The following TLL2 variants were observed in gnomAD, a reference collection of about 807,000 sequenced individuals.
The protein encoded by TLL2 is tolloid like 2.
A neutral mutation model predicts 123.0 loss-of-function variants in TLL2; 106 were observed. The ratio of observed to expected loss-of-function variants is 0.86; its 90% CI spans 0.74 to 1.01. The LOEUF is 1.01. Ranked by LOEUF, TLL2 falls within the 50% of genes least tolerant of loss-of-function variation. TLL2 has a pLI of 0.00. For missense variants in TLL2, 1,332 were observed against 1,336.7 expected (o/e 1.00, Z 0.06); for synonymous variants, 494 against 516.8 (o/e 0.96, Z 0.60).
chr10:96,425,025 G>C (rs963061882), intron 5 of TLL2, among the ~76,000 whole-genome samples: 1 of 148,702 alleles, frequency 6.7e-6, no homozygotes, highest in Non-Finnish European at 1.5e-5. Context: ...TTTTCACAGA[G>C]AGTTATCTAA....
At chr10:96,447,788 A>G (rs1385708538) in intron 2 of TLL2, among the ~76,000 whole-genome samples, 1 of 152,202 alleles carries the variant, frequency 6.6e-6, no homozygotes, top group Non-Finnish European at 1.5e-5. Flanking sequence ...TTTAACCCTT[A>G]TCAGAACACT....
At chr10:96,431,511 T>C (rs895845127) in intron 4 of TLL2, among the ~76,000 whole-genome samples, 2 of 152,150 alleles carry the variant, frequency 1.3e-5, no homozygotes, top group Non-Finnish European at 2.9e-5. Flanking sequence ...TAAGTTGCAC[T>C]GAGAGCCCAG....
chr10:96,457,408 T>C (rs557162497), intron 2 of TLL2, among the ~76,000 whole-genome samples: 1 of 152,308 alleles, frequency 6.6e-6, no homozygotes, highest in Middle Eastern at 3.4e-3. Context: ...TCAGAGCACA[T>C]TCTGGTTTCA....
chr10:96,376,081 C>G (rs2134052692), intron 18 of TLL2, among the ~76,000 whole-genome samples: 1 of 152,070 alleles, frequency 6.6e-6, no homozygotes, highest in East Asian at 1.9e-4. Context: ...ATTTTTAATT[C>G]AAGAGGGAAT....
At chr10:96,450,901 T>C (rs572478269) in intron 2 of TLL2, among the ~76,000 whole-genome samples, 1 of 152,338 alleles carries the variant, frequency 6.6e-6, no homozygotes, top group South Asian at 2.1e-4. Context: ...TTTGCTTAAT[T>C]ACCTCTTCGG....
rs372221053 is a variant in TLL2, at chr10:96,427,720, T to C, written c.638+911A>G. ...CTTTCCTTTTACTTTTAAACCTCTC[T>C]AGGTTGTTTTATTCAGTAATCATCT... On this transcript the variant is annotated intron_variant, in intron 5 of 20. Coordinates refer to ENST00000357947, the MANE Select transcript of TLL2 (RefSeq NM_012465.4). 1.2e-4 allele frequency among the ~76,000 whole-genome samples: 18 copies of C among 152,368 alleles called. No individual in the cohort carries two copies. The East Asian group carries it at 1.5e-3, about 13-fold the overall frequency.
At chr10:96,476,343 C>G (rs1847251848) in intron 2 of TLL2, among the ~76,000 whole-genome samples, 1 of 149,616 alleles carries the variant, frequency 6.7e-6, no homozygotes, top group African/African-American at 2.5e-5. Flanking sequence ...TACTAGCAAC[C>G]TCCACCTCCC....
intron 3 of TLL2, among the ~76,000 whole-genome samples, chr10:96,434,353 C>T (rs933160373): frequency 1.3e-5 from 2 of 152,176 alleles, no homozygotes; most frequent in Admixed American, 1.3e-4. Flanking sequence ...CACTCCCCAT[C>T]TCTCCCTTTC....
At chr10:96,454,208 T>C (rs1366763510) in intron 2 of TLL2, among the ~76,000 whole-genome samples, 2 of 152,180 alleles carry the variant, frequency 1.3e-5, no homozygotes, top group Admixed American at 1.3e-4. Flanking sequence ...AGAAAAGCTT[T>C]TGAGGGGGAA....
chr10:96,429,444 G>A lies in TLL2; in HGVS notation c.521-696C>T, dbSNP rs114451327. ...GGATTTCCCTTGCTAAAAACACAAC[G>A]TAACTTTTCTGAGCTGCCAAAACCT... On this transcript the variant is annotated intron_variant, in intron 4 of 20. Transcript: ENST00000357947. Among the ~76,000 whole-genome samples, 1,240 of 152,000 alleles carry A rather than the reference G, an allele frequency of 8.2e-3. 18 individuals carry two copies. Among genetic ancestry groups the A allele is most frequent in the African/African-American group, 0.026 (1,097 of 41,466 alleles).
Position 96,417,492 on chromosome 10 carries a change from T to G in TLL2, c.923+3464A>C, listed in dbSNP as rs1846574127. On this transcript the variant is annotated intron_variant, in intron 7 of 20. Coordinates refer to ENST00000357947, the MANE Select transcript of TLL2 (RefSeq NM_012465.4). ...ATCCTACTGCAATGTGAAGCTTCCA[T>G]ACCTCCCAGTAAGAGGTGGAGTCTA... Among the ~76,000 whole-genome samples the G allele has an allele frequency of 2.0e-5, 3 of 152,234 alleles. 1 individual carries two copies. In the South Asian group the frequency reaches 6.2e-4, roughly 32 times the overall value.
At chr10:96,398,877 T>TC (rs1727062990) in intron 10 of TLL2, among the ~76,000 whole-genome samples, 1 of 146,406 alleles carries the variant, frequency 6.8e-6, no homozygotes. Flanking sequence ...TCTTTTTTTT[T>TC]TTTTTTTTTT....
intron 1 of TLL2, among the ~76,000 whole-genome samples, chr10:96,507,850 A>G (rs1003961098): frequency 6.6e-6 from 1 of 151,808 alleles, no homozygotes; most frequent in Non-Finnish European, 1.5e-5. Flanking sequence ...GGTGGACTAG[A>G]TTCTGCACCT....
Position 96,374,081 on chromosome 10 carries a change from A to G in TLL2, c.2449-272T>C, listed in dbSNP as rs143330042. 3,463 of 440,478 alleles carry G rather than the reference A, an allele frequency of 7.9e-3. 13 individuals carry two copies. Among genetic ancestry groups the G allele is most frequent in the Non-Finnish European group, 0.011 (2,724 of 239,700 alleles). The allele number at this position is 440,478 out of a possible 1,614,324, so 27.3% of individuals were successfully genotyped here. On this transcript the variant is annotated intron_variant, in intron 18 of 20. Transcript: ENST00000357947. ...ACTGCAGATGAGAGAGCAGGGGTTC[A>G]GAGATTAAATGCTTGACATTTTGAC...
In TLL2 at chr10:96,494,910, G is replaced by T. The variant is rs746010511; in HGVS notation, c.176-14451C>A. On this transcript the variant is annotated intron_variant, in intron 1 of 20. Transcript: ENST00000357947. ...TCAGAATCTCTGAAGTCAGCACCCA[G>T]GAATACGCACTTTAATTCATGCCCT... Among the ~76,000 whole-genome samples, 182 of 152,096 alleles carry T rather than the reference G, an allele frequency of 1.2e-3. 5 individuals carry two copies. Among genetic ancestry groups the T allele is most frequent in the Non-Finnish European group, 2.9e-4 (20 of 68,018 alleles).
rs755013110 is a variant in TLL2 at position 96,373,738 on chromosome 10, C to T, written c.2520G>A (p.Pro840=). 8.7e-6 allele frequency: 14 copies of T among 1,614,230 alleles called. No homozygotes were observed. Among genetic ancestry groups the T allele is most frequent in the South Asian group, 4.4e-5 (4 of 91,084 alleles). ...AYDHLEMYDG[P]DSLAPILGRF... ...GGCCCAGAATGGGGGCCAGGCTGTC[C>T]GGCCCGTCATACATTTCCAGGTGGT... Residue 840 remains proline, a synonymous_variant, in exon 19 of 21, where the codon CCG becomes CCA. Coordinates refer to ENST00000357947, the MANE Select transcript of TLL2 (RefSeq NM_012465.4).
At chr10:96,436,591 T>C (rs1056395296) in intron 3 of TLL2, among the ~76,000 whole-genome samples, 5 of 152,228 alleles carry the variant, frequency 3.3e-5, no homozygotes, top group Non-Finnish European at 5.9e-5. Context: ...TTGTTAAACA[T>C]TCCAGATAAA....
chr10:96,501,036 G>A (rs1370249938), intron 1 of TLL2, among the ~76,000 whole-genome samples: 1 of 152,132 alleles, frequency 6.6e-6, no homozygotes, highest in Non-Finnish European at 1.5e-5. Context: ...GCATTTTCAG[G>A]AGAAGAAAAA....
chr10:96,444,883 T>G (rs1456513567), intron 3 of TLL2, among the ~76,000 whole-genome samples: 2 of 152,194 alleles, frequency 1.3e-5, no homozygotes, highest in East Asian at 3.8e-4. Flanking sequence ...AGACATAAGA[T>G]TCTGGCATTT....
Sources: allele counts gnomAD v4.1 joint callset (sites outside exome capture counted in the v4.1 genomes callset), GRCh38; gene constraint gnomAD v4.1.1; transcripts MANE v1.5; gene names NCBI Gene and HGNC (gene_info 2026-07-23, HGNC 2026-07-21).